The following CEP89 variants were observed in gnomAD, a reference collection of about 807,000 sequenced individuals.
CEP89 encodes centrosomal protein 89, also known as centrosomal protein of 89 kDa.
In CEP89, 95 loss-of-function variants were observed where a neutral mutation model predicts 97.6. That is an observed-to-expected ratio of 0.97 (90% CI 0.82 to 1.15). The LOEUF is 1.15. Ranked by LOEUF, CEP89 falls within the 50% of genes most tolerant of loss-of-function variation. The pLI is 0.00. For missense variants in CEP89, 869 were observed against 947.7 expected (o/e 0.92, Z 1.09); for synonymous variants, 354 against 349.1 (o/e 1.01, Z -0.16).
intron 2 of CEP89, among the ~76,000 whole-genome samples, chr19:32,965,378 G>A (rs1450889498): frequency 6.6e-6 from 1 of 152,100 alleles, no homozygotes; most frequent in Non-Finnish European, 1.5e-5. Context: ...TCCAGCCTGG[G>A]CAACAGAATG....
At position 32,915,533 on chromosome 19, in the gene CEP89, GGAA is replaced by G. The variant is rs1231331656; in HGVS notation, c.1385-19_1385-17del. ...AGCTTAGAAACTGAAAATCAAAAGAGGAAGATAAAAACTTGGCACAGAAGACCT... is the reference window on the plus strand; with the variant it reads ...AGCTTAGAAACTGAAAATCAAAAGAGGATAAAAACTTGGCACAGAAGACCT... On this transcript the variant is annotated splice_polypyrimidine_tract_variant and intron_variant, in intron 13 of 18. Transcript: ENST00000305768. The G allele has an allele frequency of 3.7e-6, 6 of 1,603,540 alleles. No homozygotes were observed. The African/African-American group carries it at 5.4e-5, about 14-fold the overall frequency.
At chr19:32,913,909 G>A (rs1970066478) in intron 14 of CEP89, among the ~76,000 whole-genome samples, 1 of 152,026 alleles carries the variant, frequency 6.6e-6, no homozygotes. Flanking sequence ...AAAGTGCTGG[G>A]ATTACAAGTG....
At chr19:32,906,795 G>A (rs906461530) in intron 14 of CEP89, among the ~76,000 whole-genome samples, 1 of 150,640 alleles carries the variant, frequency 6.6e-6, no homozygotes, top group Non-Finnish European at 1.5e-5. Flanking sequence ...ACATCTTTAA[G>A]AGTAAGAATT....
intron 1 of CEP89, chr19:32,971,187 G>A (rs1971397738): frequency 3.8e-6 from 1 of 261,294 alleles, no homozygotes; most frequent in Non-Finnish European, 7.2e-6. Context: ...GGGAACAGCT[G>A]GCAGATGTAT....
At chr19:32,879,528 G>C in intron 18 of CEP89, 150 bp from the exon 19 acceptor site, 1 of 657,016 alleles carries the variant, frequency 1.5e-6, no homozygotes, top group Non-Finnish European at 2.6e-6. Flanking sequence ...GCTCAGTGTG[G>C]AATGAAGCAG....
intron 1 of CEP89, among the ~76,000 whole-genome samples, chr19:32,967,108 C>T (rs965227816): frequency 6.6e-6 from 1 of 152,108 alleles, no homozygotes; most frequent in African/African-American, 2.4e-5. Flanking sequence ...ATTATAGGTG[C>T]GAGTGCTGCA....
In CEP89 at chr19:32,952,034, T is replaced by C. The variant is rs143133951; in HGVS notation, c.492+1581A>G. ...CTCGACAGGAGCACAGTTGTCCATA[T>C]TGAGCTCTGGGCAGTGTCTGCCTAT... On this transcript the variant is annotated intron_variant, in intron 4 of 18. Transcript: ENST00000305768. 5.9e-5 allele frequency among the ~76,000 whole-genome samples: 9 copies of C among 152,290 alleles called. No homozygotes were observed. In the East Asian group the frequency reaches 7.7e-4, roughly 13 times the overall value.
rs571906554 is a variant in CEP89, at chr19:32,926,184, G to A, written c.1164+6C>T. Reference sequence around the variant, plus strand: ...CTTGTGTCTTCTGGGACATTTGCCAGCCTACCTTGAGGGTGGCATTGAGCT... The same window carrying A: ...CTTGTGTCTTCTGGGACATTTGCCAACCTACCTTGAGGGTGGCATTGAGCT... On this transcript the variant is annotated splice_donor_region_variant and intron_variant, in intron 11 of 18. Coordinates refer to ENST00000305768, the MANE Select transcript of CEP89 (RefSeq NM_032816.5). 4.6e-5 allele frequency: 73 copies of A among 1,602,250 alleles called. 1 individual carries two copies. The South Asian group carries it at 7.1e-4, about 16-fold the overall frequency.
intron 5 of CEP89, among the ~76,000 whole-genome samples, chr19:32,941,645 C>G (rs1970688698): frequency 1.3e-5 from 2 of 151,374 alleles, no homozygotes; most frequent in Admixed American, 6.6e-5. Flanking sequence ...CCAGGGGCAG[C>G]CTGGACTGCT....
chr19:32,968,602 C>T (rs1389837296), intron 1 of CEP89, among the ~76,000 whole-genome samples: 1 of 152,038 alleles, frequency 6.6e-6, no homozygotes, highest in Non-Finnish European at 1.5e-5. Context: ...GCAGGTCCTC[C>T]AAAAAGGCTG....
intron 16 of CEP89, among the ~76,000 whole-genome samples, chr19:32,893,120 C>T (rs984390187): frequency 6.0e-5 from 9 of 149,132 alleles, no homozygotes; most frequent in Admixed American, 4.0e-4. Context: ...AAAAAAAACA[C>T]GATTCAACTA....
intron 17 of CEP89, among the ~76,000 whole-genome samples, chr19:32,886,145 A>C (rs1969390231): frequency 6.6e-6 from 1 of 152,064 alleles, no homozygotes. Flanking sequence ...CCAGCTACCT[A>C]GTGGTTCACT....
intron 9 of CEP89, among the ~76,000 whole-genome samples, chr19:32,930,021 C>CT (rs777333613): frequency 0.014 from 1,881 of 133,396 alleles, 18 homozygotes; most frequent in African/African-American, 0.033. Flanking sequence ...CTTTTTTTTC[C>CT]TTTTTTTTTT....
chr19:32,885,705 C>T (rs1036861371), intron 17 of CEP89, among the ~76,000 whole-genome samples: 44 of 152,120 alleles, frequency 2.9e-4, no homozygotes, highest in Admixed American at 2.6e-3. Flanking sequence ...ACATAATGTG[C>T]CCTTTCAGGA....
intron 4 of CEP89, 108 bp downstream of exon 4, chr19:32,953,506 AT>A: frequency 1.2e-6 from 1 of 836,084 alleles, no homozygotes; most frequent in Non-Finnish European, 1.8e-6. Context: ...CCCAAAGCAA[AT>A]GCTATCAAAT....
intron 13 of CEP89, among the ~76,000 whole-genome samples, chr19:32,916,251 C>G (rs1243935447): frequency 6.6e-6 from 1 of 152,130 alleles, no homozygotes; most frequent in African/African-American, 2.4e-5. Context: ...GCACTCCAGC[C>G]TGGATGACAC....
intron 13 of CEP89, 76 bp downstream of exon 13, chr19:32,918,148 G>C: frequency 8.1e-7 from 1 of 1,237,504 alleles, no homozygotes. Context: ...TGGGGCCCCC[G>C]GCAGGAGAGA....
intron 12 of CEP89, 54 bp downstream of exon 12, chr19:32,923,385 C>T (rs1970291276): frequency 4.8e-6 from 4 of 826,752 alleles, no homozygotes; most frequent in Admixed American, 2.1e-5. Flanking sequence ...AACATATTTT[C>T]CTGTTACCAT....
rs1969195168 is a variant in CEP89, at chr19:32,877,490, G to A, written c.*1672C>T. 6.6e-6 allele frequency: 1 copy of A among 152,092 alleles called. No individual in the cohort carries two copies. The highest frequency in any genetic ancestry group is 1.5e-5 in the Non-Finnish European group (1 of 68,134). The allele number at this position is 152,092 out of a possible 1,614,324, so 9.4% of individuals were successfully genotyped here. A position where few individuals can be genotyped will look rare whatever the true frequency, so the allele number is the denominator to read the frequency against. Reference sequence around the variant, plus strand: ...GCGGCTGGGGTAATTTTCCTGAGGAGGTGGCACGTCATCTAACACACATGG... The same window carrying A: ...GCGGCTGGGGTAATTTTCCTGAGGAAGTGGCACGTCATCTAACACACATGG... On this transcript the variant is annotated 3_prime_UTR_variant, in exon 19 of 19. Coordinates refer to ENST00000305768, the MANE Select transcript of CEP89 (RefSeq NM_032816.5).
Sources: gnomAD v4.1 joint callset for allele counts (sites outside exome capture counted in the v4.1 genomes callset) on GRCh38, gnomAD v4.1.1 for gene constraint, MANE v1.5 for transcripts, NCBI Gene and HGNC (gene_info 2026-07-23, HGNC 2026-07-21) for gene names.